CACNA2D1: variants seen among roughly 807,000 people sequenced by gnomAD.
The protein encoded by CACNA2D1 is calcium voltage-gated channel auxiliary subunit alpha2delta 1.
In CACNA2D1, 53 loss-of-function variants were observed where a neutral mutation model predicts 171.5. The ratio of observed to expected loss-of-function variants is 0.31; its 90% CI spans 0.25 to 0.39. CACNA2D1 has a LOEUF of 0.39. CACNA2D1 is among the 10% of genes least tolerant of loss of function. CACNA2D1 has a pLI of 1.00. For synonymous variants in CACNA2D1, 442 were observed against 443.1 expected, an observed-to-expected ratio of 1.00 and a Z score of 0.03; for missense variants, 903 against 1,299.8, an observed-to-expected ratio of 0.69 and a Z score of 4.69.
In CACNA2D1 at chr7:82,366,859, G is replaced by C. The variant is rs200179142; in HGVS notation, c.96-17210C>G. ...CCATTCCCACCAATAATGTATAAGT[G>C]GCCCCTTTCCTCCACAGCCCTGCCA... On this transcript the variant is annotated intron_variant, in intron 1 of 38. Transcript: ENST00000356860. Among the ~76,000 whole-genome samples, 3 of 148,192 alleles carry C rather than the reference G, an allele frequency of 2.0e-5. No homozygotes were observed. The East Asian group carries it at 5.9e-4, about 29-fold the overall frequency.
At chr7:82,022,889 C>T (rs1801410590) in intron 12 of CACNA2D1, among the ~76,000 whole-genome samples, 1 of 151,568 alleles carries the variant, frequency 6.6e-6, no homozygotes, top group African/African-American at 2.4e-5. Context: ...ATGCTTTTTT[C>T]TCATTTGTTC....
At chr7:82,003,447 T>C (rs1438695999) in intron 18 of CACNA2D1, among the ~76,000 whole-genome samples, 2 of 151,846 alleles carry the variant, frequency 1.3e-5, no homozygotes, top group Non-Finnish European at 2.9e-5. Context: ...GAGCCAAATA[T>C]AGGTTAATGT....
chr7:82,179,431 T>C (rs1392180013), intron 3 of CACNA2D1, among the ~76,000 whole-genome samples: 1 of 152,084 alleles, frequency 6.6e-6, no homozygotes, highest in Non-Finnish European at 1.5e-5. Flanking sequence ...CATCAAACTA[T>C]TTACATTAGG....
chr7:82,337,081 T>C (rs1033423148), intron 2 of CACNA2D1, among the ~76,000 whole-genome samples: 5 of 152,168 alleles, frequency 3.3e-5, no homozygotes, highest in African/African-American at 1.2e-4. Context: ...TTCAAGCATA[T>C]AAGTATCTTC....
At chr7:82,125,355 A>T (rs925613302) in intron 5 of CACNA2D1, among the ~76,000 whole-genome samples, 9 of 152,192 alleles carry the variant, frequency 5.9e-5, no homozygotes, top group African/African-American at 1.9e-4. Context: ...GGAATTAAGA[A>T]AATAGCACAG....
At chr7:82,031,485 T>C (rs1331703449) in intron 12 of CACNA2D1, among the ~76,000 whole-genome samples, 1 of 151,980 alleles carries the variant, frequency 6.6e-6, no homozygotes, top group African/African-American at 2.4e-5. Flanking sequence ...AAGTGGTTCC[T>C]CTATGCTATT....
intron 5 of CACNA2D1, among the ~76,000 whole-genome samples, chr7:82,134,765 CTT>C (rs1791412064): frequency 6.6e-6 from 1 of 152,006 alleles, no homozygotes; most frequent in African/African-American, 2.4e-5. Flanking sequence ...TCTCAAGAGA[CTT>C]TGATTTAAAC....
chr7:82,081,632 G>A (rs116149547), intron 7 of CACNA2D1, among the ~76,000 whole-genome samples: 2,630 of 152,270 alleles, frequency 0.017, 57 homozygotes, highest in African/African-American at 0.054. Flanking sequence ...TGGGCACATG[G>A]TTGCTTCCAC....
chr7:81,989,872 C>T (rs117782483), intron 21 of CACNA2D1, among the ~76,000 whole-genome samples: 45 of 152,168 alleles, frequency 3.0e-4, no homozygotes, highest in Non-Finnish European at 4.9e-4. Context: ...GAGGGCAAGA[C>T]AGCAAAAAGG....
intron 3 of CACNA2D1, among the ~76,000 whole-genome samples, chr7:82,292,571 C>A (rs1811780572): frequency 4.6e-5 from 7 of 152,126 alleles, no homozygotes; most frequent in Admixed American, 4.6e-4. Flanking sequence ...ATTATCATTT[C>A]TCAGAATTTT....
At chr7:81,957,539 T>G (rs1793556030) in intron 38 of CACNA2D1, among the ~76,000 whole-genome samples, 1 of 152,014 alleles carries the variant, frequency 6.6e-6, no homozygotes, top group African/African-American at 2.4e-5. Context: ...GTTGTGCACT[T>G]AAGTTGATCC....
intron 3 of CACNA2D1, among the ~76,000 whole-genome samples, chr7:82,230,804 A>C (rs2129275956): frequency 6.6e-6 from 1 of 152,096 alleles, no homozygotes; most frequent in South Asian, 2.1e-4. Context: ...TGAGAATACC[A>C]GTATAAGAAA....
At chr7:82,323,813 A>G (rs1048355603) in intron 3 of CACNA2D1, among the ~76,000 whole-genome samples, 1 of 152,202 alleles carries the variant, frequency 6.6e-6, no homozygotes, top group Admixed American at 6.5e-5. Context: ...CAACTCAAAG[A>G]ATCTCATTTC....
intron 7 of CACNA2D1, among the ~76,000 whole-genome samples, chr7:82,068,072 G>T (rs959024247): frequency 1.3e-5 from 2 of 152,106 alleles, no homozygotes; most frequent in African/African-American, 2.4e-5. Flanking sequence ...GTTCTGGTTT[G>T]TTTGCTCACA....
intron 4 of CACNA2D1, among the ~76,000 whole-genome samples, chr7:82,140,010 C>T (rs752449805): frequency 1.3e-4 from 20 of 151,146 alleles, no homozygotes; most frequent in Non-Finnish European, 1.8e-4. Context: ...AGGCTGGTTT[C>T]GAACTCCTGA....
At chr7:81,955,978 ATATTTTTTT>A (rs1432028106) in intron 38 of CACNA2D1, among the ~76,000 whole-genome samples, 426 of 49,172 alleles carry the variant, frequency 8.7e-3, no homozygotes, top group African/African-American at 0.029. Flanking sequence ...ATATATATAT[ATATTTTTTT>A]TTTTTTTTTT....
chr7:82,077,453 C>T (rs1252911267), intron 7 of CACNA2D1, among the ~76,000 whole-genome samples: 5 of 152,166 alleles, frequency 3.3e-5, no homozygotes, highest in African/African-American at 4.8e-5. Flanking sequence ...AGGCAGAGCC[C>T]ATGCTCAGAG....
At chr7:82,382,794 C>T (rs2237525) in intron 1 of CACNA2D1, among the ~76,000 whole-genome samples, 85,353 of 152,042 alleles carry the variant, frequency 0.56, 26,063 homozygotes, top group African/African-American at 0.81. Context: ...GTGACATGTT[C>T]AGATATCTAG....
At chr7:82,112,093 T>A (rs1434342668) in intron 6 of CACNA2D1, among the ~76,000 whole-genome samples, 1 of 152,160 alleles carries the variant, frequency 6.6e-6, no homozygotes, top group Admixed American at 6.5e-5. Context: ...TTCTGCCTAA[T>A]ATCATTTTTC....
Sources: gnomAD v4.1 joint callset for allele counts (sites outside exome capture counted in the v4.1 genomes callset) on GRCh38, gnomAD v4.1.1 for gene constraint, MANE v1.5 for transcripts, NCBI Gene and HGNC (gene_info 2026-07-23, HGNC 2026-07-21) for gene names.